Variants in SLC2A14 observed in about 807,000 individuals in gnomAD.
SLC2A14 encodes solute carrier family 2, facilitated glucose transporter member 14.
In SLC2A14, 13 loss-of-function variants were observed where a neutral mutation model predicts 43.0. The ratio of observed to expected loss-of-function variants is 0.30; its 90% CI spans 0.20 to 0.48. SLC2A14 has a LOEUF of 0.48. Ranked by LOEUF, SLC2A14 falls within the 20% of genes least tolerant of loss-of-function variation. The pLI, the probability that SLC2A14 is intolerant of heterozygous loss-of-function variation, is 0.99. For missense variants in SLC2A14, 428 were observed against 620.4 expected, an observed-to-expected ratio of 0.69 and a Z score of 3.29; for synonymous variants, 190 against 233.8, an observed-to-expected ratio of 0.81 and a Z score of 1.71.
intron 1 of SLC2A14, chr12:7,871,298 T>C (rs1044785214): frequency 6.2e-5 from 69 of 1,112,418 alleles, no homozygotes; most frequent in African/African-American, 8.3e-5. Context: ...GAGGCACCCA[T>C]TGATAAAAAA....
chr12:7,820,356 G>A (rs372039499), intron 8 of SLC2A14, among the ~76,000 whole-genome samples: 15 of 152,254 alleles, frequency 9.9e-5, no homozygotes, highest in East Asian at 1.9e-4. Flanking sequence ...AGAGGATGTC[G>A]TGGGAATCCT....
At chr12:7,882,496 G>T (rs116803674) in intron 1 of SLC2A14, among the ~76,000 whole-genome samples, 2,232 of 152,126 alleles carry the variant, frequency 0.015, 55 homozygotes, top group African/African-American at 0.05. Context: ...CTCCAGCCTG[G>T]GCAACGGAGC....
intron 6 of SLC2A14, among the ~76,000 whole-genome samples, chr12:7,828,314 G>A (rs1322251681): frequency 1.3e-5 from 2 of 151,686 alleles, no homozygotes; most frequent in Admixed American, 6.6e-5. Context: ...GCAGTGAACC[G>A]AGATTGCGCC....
chr12:7,853,504 G>A (rs984392940), intron 2 of SLC2A14, among the ~76,000 whole-genome samples: 1 of 151,866 alleles, frequency 6.6e-6, no homozygotes. Context: ...GGAGGCTGAG[G>A]CAGGAGAATC....
intron 2 of SLC2A14, among the ~76,000 whole-genome samples, chr12:7,858,406 TATC>T (rs1478416778): frequency 6.6e-6 from 1 of 152,204 alleles, no homozygotes. Flanking sequence ...ACAAGCCCCT[TATC>T]ATACACATGA....
chr12:7,827,830 G>A, intron 6 of SLC2A14, 148 bp from the exon 7 acceptor site: 2 of 1,468,808 alleles, frequency 1.4e-6, no homozygotes. Context: ...ATTCTTTAGG[G>A]GCTGAAAATT....
chr12:7,849,107 C>G (rs193176453), intron 2 of SLC2A14, among the ~76,000 whole-genome samples: 193 of 151,844 alleles, frequency 1.3e-3, no homozygotes, highest in African/African-American at 4.4e-3. Context: ...AGCCCACCTC[C>G]GTCTCCCAAA....
intron 2 of SLC2A14, among the ~76,000 whole-genome samples, chr12:7,837,638 C>CCAAAAAA (rs1415686871): frequency 1.9e-5 from 1 of 52,884 alleles, no homozygotes; most frequent in African/African-American, 8.8e-5. Flanking sequence ...AACTTCGTCT[C>CCAAAAAA]AAAAAAAAAA....
At chr12:7,848,730 ATT>A (rs1259666901) in intron 2 of SLC2A14, among the ~76,000 whole-genome samples, 4 of 151,400 alleles carry the variant, frequency 2.6e-5, no homozygotes, top group Admixed American at 2.6e-4. Context: ...TAATTTTTGT[ATT>A]TTTAGTAGAG....
In SLC2A14 at chr12:7,882,727, C is replaced by T. The variant is rs117986118; in HGVS notation, c.132+8269G>A. 4.6e-3 allele frequency among the ~76,000 whole-genome samples: 698 copies of T among 152,000 alleles called. 30 individuals are homozygous for T. The South Asian group carries it at 0.071, about 15-fold the overall frequency. Reference sequence around the variant, plus strand: ...TGGCGCACGCCTGTAATCCCAGCTACGTGGGAAGCTGAGGCTGGAGAATCA... The same window carrying T: ...TGGCGCACGCCTGTAATCCCAGCTATGTGGGAAGCTGAGGCTGGAGAATCA... On this transcript the variant is annotated intron_variant, in intron 1 of 9. Transcript: ENST00000539924.
At chr12:7,823,720 C>CAA (rs34419496) in intron 7 of SLC2A14, among the ~76,000 whole-genome samples, 43 of 150,344 alleles carry the variant, frequency 2.9e-4, no homozygotes, top group Admixed American at 1.3e-3. Flanking sequence ...AACTCCGTCT[C>CAA]AAAAAAAAAG....
At chr12:7,815,570 G>A (rs1447093544) in intron 10 of SLC2A14, among the ~76,000 whole-genome samples, 2 of 152,138 alleles carry the variant, frequency 1.3e-5, no homozygotes, top group African/African-American at 2.4e-5. Flanking sequence ...CAGTTATCCA[G>A]TTTTGTTTTG....
intron 2 of SLC2A14, among the ~76,000 whole-genome samples, chr12:7,838,414 C>T (rs1405090245): frequency 1.3e-5 from 2 of 152,060 alleles, no homozygotes. Flanking sequence ...ATGGAATTTG[C>T]CTTACTAGAA....
At chr12:7,826,146 C>T (rs11833776) in intron 7 of SLC2A14, among the ~76,000 whole-genome samples, 15,490 of 151,708 alleles carry the variant, frequency 0.1, 2,060 homozygotes, top group African/African-American at 0.29. Context: ...ATTATCATTT[C>T]CAAATGAGGA....
At chr12:7,885,330 T>C (rs1945670492) in intron 1 of SLC2A14, among the ~76,000 whole-genome samples, 1 of 152,036 alleles carries the variant, frequency 6.6e-6, no homozygotes, top group East Asian at 1.9e-4. Context: ...CCAGGGGTGG[T>C]GGCAGGCGCC....
intron 1 of SLC2A14, 115 bp downstream of exon 1, chr12:7,872,692 A>G: frequency 2.6e-5 from 22 of 836,560 alleles, no homozygotes; most frequent in Non-Finnish European, 3.2e-5. Flanking sequence ...CTTCTTTCTT[A>G]GCCCGGCCCA....
chr12:7,863,051 A>T (rs1382069749), intron 2 of SLC2A14, among the ~76,000 whole-genome samples: 1 of 152,158 alleles, frequency 6.6e-6, no homozygotes, highest in Non-Finnish European at 1.5e-5. Context: ...AAACTGTTGA[A>T]GCTTTGTTGT....
intron 2 of SLC2A14, among the ~76,000 whole-genome samples, chr12:7,866,034 T>C (rs1944889617): frequency 6.6e-6 from 1 of 151,876 alleles, no homozygotes; most frequent in South Asian, 2.1e-4. Context: ...CTGGCCAACA[T>C]GGCAAAACCC....
At chr12:7,883,697 C>T (rs1945635448) in intron 1 of SLC2A14, among the ~76,000 whole-genome samples, 2 of 146,960 alleles carry the variant, frequency 1.4e-5, no homozygotes, top group South Asian at 4.3e-4. Flanking sequence ...CATTCTCCTG[C>T]CTCAGTCTCC....
Sources: gnomAD v4.1 joint callset for allele counts (sites outside exome capture counted in the v4.1 genomes callset) on GRCh38, gnomAD v4.1.1 for gene constraint, MANE v1.5 for transcripts, NCBI Gene and HGNC (gene_info 2026-07-23, HGNC 2026-07-21) for gene names.